Variants in KAT14 observed in about 807,000 individuals in gnomAD.
The protein encoded by KAT14 is cysteine-rich protein 2-binding protein.
Under a neutral mutation model 78.4 loss-of-function variants are expected in KAT14, and 66 were observed. The ratio of observed to expected loss-of-function variants is 0.84; its 90% CI spans 0.69 to 1.03. The LOEUF (loss-of-function observed/expected upper bound fraction) is 1.03, where lower values mean the gene tolerates loss of function less well. Among genes scored for constraint, KAT14 ranks in the 50% least tolerant of loss-of-function variants. The probability of loss-of-function intolerance (pLI) is 0.00; values close to 1 mark genes in which losing one functional copy is unlikely to be tolerated. For missense variants in KAT14, 870 were observed against 972.5 expected (o/e 0.89, Z 1.40); for synonymous variants, 344 against 359.4 (o/e 0.96, Z 0.48).
chr20:18,184,752 G>C lies in KAT14; in HGVS notation c.2132G>C (p.Arg711Thr). The change falls in exon 10 of 11, where the codon AGA becomes ACA. Residue 711 changes from arginine (R) to threonine (T), a missense_variant. By Grantham distance (71) the Arg-to-Thr change is moderately conservative (BLOSUM62 -1). Coordinates refer to ENST00000688188, the MANE Select transcript of KAT14 (RefSeq NM_001392073.1). ...CTGTTCGTCCACCCTGAATGGAGAA[G>C]AGCAGGGATTGCAACTTTCATGATC... ...SFLFVHPEWR[R>T]AGIATFMIYH... The C allele has an allele frequency of 6.2e-7, 1 of 1,611,092 alleles. No individual in the cohort carries two copies. Among genetic ancestry groups the C allele is most frequent in the Non-Finnish European group, 8.5e-7 (1 of 1,179,244 alleles).
intron 4 of KAT14, among the ~76,000 whole-genome samples, chr20:18,156,121 G>A (rs2038216656): frequency 6.6e-6 from 1 of 152,040 alleles, no homozygotes; most frequent in Non-Finnish European, 1.5e-5. Flanking sequence ...TATGCTGTGT[G>A]AAACAAACCA....
chr20:18,140,519 C>A (rs2037492671), intron 1 of KAT14, among the ~76,000 whole-genome samples: 1 of 152,024 alleles, frequency 6.6e-6, no homozygotes, highest in South Asian at 2.1e-4. Context: ...CTATTAAAAA[C>A]CATTTATTGG....
Position 18,184,688 on chromosome 20 carries a change from G to C in KAT14, c.2068G>C (p.Val690Leu), listed in dbSNP as rs752618402. The part of the protein sequence containing the change: ...KKVIIAFGFM[V>L]PDVKYNEAYI... Reference sequence around the variant, plus strand: ...AGTCATCATTGCCTTTGGCTTCATGGTTCCTGATGTGAAATACAATGAAGC... The same window carrying C: ...AGTCATCATTGCCTTTGGCTTCATGCTTCCTGATGTGAAATACAATGAAGC... Residue 690 changes from valine to leucine, a missense_variant, in exon 10 of 11, where the codon GTT becomes CTT. Val to Leu is a conservative substitution (Grantham distance 32, BLOSUM62 1). Transcript: ENST00000688188. The C allele has an allele frequency of 6.2e-7, 1 of 1,613,788 alleles. No individual in the cohort carries two copies. The highest frequency in any genetic ancestry group is 1.1e-5 in the South Asian group (1 of 91,030).
intron 5 of KAT14, among the ~76,000 whole-genome samples, chr20:18,160,465 G>A (rs1459648302): frequency 6.6e-6 from 1 of 152,084 alleles, no homozygotes; most frequent in South Asian, 2.1e-4. Flanking sequence ...ATCTTTCCAT[G>A]ACAGTACATG....
intron 4 of KAT14, among the ~76,000 whole-genome samples, chr20:18,153,599 C>T (rs1375464441): frequency 1.3e-5 from 2 of 152,246 alleles, no homozygotes; most frequent in Admixed American, 1.3e-4. Flanking sequence ...TGTTTAAATG[C>T]TTCATTTGTT....
At position 18,159,252 on chromosome 20, in the gene KAT14, T is replaced by G; in HGVS notation, c.669T>G (p.Thr223=). The G allele has an allele frequency of 6.2e-7, 1 of 1,613,794 alleles. No homozygotes were observed. The highest frequency in any genetic ancestry group is 8.5e-7 in the Non-Finnish European group (1 of 1,179,930). The change falls in exon 5 of 11, where the codon ACT becomes ACG. Residue 223 remains threonine, a synonymous_variant. Coordinates refer to ENST00000688188, the MANE Select transcript of KAT14 (RefSeq NM_001392073.1). ...KPEGEKLSAS[T]LKIKASKPTL... Reference sequence around the variant, plus strand: ...AAGGAGAGAAGTTGTCTGCCTCTACTTTGAAAATAAAAGGTACTGTTGTGA... The same window carrying G: ...AAGGAGAGAAGTTGTCTGCCTCTACGTTGAAAATAAAAGGTACTGTTGTGA...
In KAT14 at chr20:18,154,946, C is replaced by T. The variant is rs570621499; in HGVS notation, c.500+4004C>T. 1.2e-4 allele frequency among the ~76,000 whole-genome samples: 18 copies of T among 152,274 alleles called. No homozygotes were observed. The South Asian group carries it at 3.7e-3, about 32-fold the overall frequency. On this transcript the variant is annotated intron_variant, in intron 4 of 10. Coordinates refer to ENST00000688188, the MANE Select transcript of KAT14 (RefSeq NM_001392073.1). Reference sequence around the variant, plus strand: ...TAAAAGCAGATTAAATGAACAAATACTAGGCAATTATTCAGTAATAACTAA... The same window carrying T: ...TAAAAGCAGATTAAATGAACAAATATTAGGCAATTATTCAGTAATAACTAA...
At chr20:18,176,114 C>A (rs1392969926) in intron 7 of KAT14, among the ~76,000 whole-genome samples, 1 of 151,728 alleles carries the variant, frequency 6.6e-6, no homozygotes, top group Non-Finnish European at 1.5e-5. Flanking sequence ...CCAGCCTGGC[C>A]AACATAATGA....
chr20:18,154,381 C>T (rs1050695391), intron 4 of KAT14, among the ~76,000 whole-genome samples: 3 of 152,136 alleles, frequency 2.0e-5, no homozygotes, highest in African/African-American at 4.8e-5. Flanking sequence ...GGCGTGATCT[C>T]GGCTCACTGC....
At chr20:18,174,960 C>T (rs183555207) in intron 7 of KAT14, among the ~76,000 whole-genome samples, 58 of 152,144 alleles carry the variant, frequency 3.8e-4, no homozygotes, top group African/African-American at 9.9e-4. Flanking sequence ...CCACCGCGCC[C>T]GGCGATTTTC....
chr20:18,181,875 A>C lies in KAT14; in HGVS notation c.1805+29A>C, dbSNP rs760165938. 5 of 1,612,154 alleles carry C rather than the reference A, an allele frequency of 3.1e-6. No homozygotes were observed. The African/African-American group carries it at 5.3e-5, about 17-fold the overall frequency. On this transcript the variant is annotated intron_variant, in intron 8 of 10. Transcript: ENST00000688188. ...TATGGAGAACTAGAGGTGTGATGTC[A>C]GGTGTGTCATGAGGGATAATGATTG...
chr20:18,187,058 A>G (rs2039472001), intron 10 of KAT14, among the ~76,000 whole-genome samples: 1 of 152,230 alleles, frequency 6.6e-6, no homozygotes, highest in South Asian at 2.1e-4. Context: ...AAGAAAAATA[A>G]AAAACACCCA....
chr20:18,137,941 G>C lies in KAT14; in HGVS notation c.-564G>C, dbSNP rs1368993413. ...GGGCGGGCGGGAGAGAGAGGCCGCG[G>C]CCGCCAGCGTGGGGATGTCTAGGAG... is the stretch of plus-strand genomic sequence containing the variant. On this transcript the variant is annotated 5_prime_UTR_variant, in exon 1 of 11. Coordinates refer to ENST00000688188, the MANE Select transcript of KAT14 (RefSeq NM_001392073.1). The C allele has an allele frequency of 6.8e-7, 1 of 1,479,696 alleles. No individual in the cohort carries two copies. Among genetic ancestry groups the C allele is most frequent in the African/African-American group, 1.5e-5 (1 of 68,214 alleles). 91.7% of individuals were successfully genotyped at this position (1,479,696 alleles called of 1,614,324 possible).
intron 10 of KAT14, among the ~76,000 whole-genome samples, chr20:18,185,498 G>A (rs1379054482): frequency 2.6e-5 from 4 of 152,298 alleles, no homozygotes; most frequent in African/African-American, 9.6e-5. Context: ...ACTGTGCCTA[G>A]CTACATATTT....
Position 18,142,818 on chromosome 20 carries a change from A to G in KAT14, c.158A>G (p.Asp53Gly). Residue 53 changes from aspartate to glycine, a missense_variant, in exon 2 of 11, where the codon GAC becomes GGC. By Grantham distance (94) the Asp-to-Gly change is moderately conservative. Coordinates refer to ENST00000688188, the MANE Select transcript of KAT14 (RefSeq NM_001392073.1). ...CAGGCATCAGTGGACTTATCGCACG[A>G]CCAGAGTGGGGATTCCCTCAACAGT... is the stretch of plus-strand genomic sequence containing the variant. ...EDQASVDLSH[D>G]QSGDSLNSDE... is the part of the protein sequence containing the mutation. 4 of 1,614,186 alleles carry G rather than the reference A, an allele frequency of 2.5e-6. No homozygotes were observed. Among genetic ancestry groups the G allele is most frequent in the Non-Finnish European group, 3.4e-6 (4 of 1,180,032 alleles).
chr20:18,138,766 C>CT (rs1459141271), intron 1 of KAT14, among the ~76,000 whole-genome samples: 1 of 152,108 alleles, frequency 6.6e-6, no homozygotes, highest in Admixed American at 6.6e-5. Context: ...ATTCTGTCCT[C>CT]TCAGTTCATA....
upstream of KAT14, among the ~76,000 whole-genome samples, chr20:18,137,231 G>C (rs2037336150): frequency 6.6e-6 from 1 of 152,066 alleles, no homozygotes; most frequent in Non-Finnish European, 1.5e-5. Context: ...TAAGGTTGCA[G>C]TGAGCCGAGA....
At chr20:18,152,019 A>AG (rs1417533803) in intron 4 of KAT14, among the ~76,000 whole-genome samples, 1 of 151,096 alleles carries the variant, frequency 6.6e-6, no homozygotes, top group Non-Finnish European at 1.5e-5. Context: ...AAAAAAAAAA[A>AG]GATGTTTGTT....
At chr20:18,184,347 TC>T (rs1391905164) in intron 9 of KAT14, among the ~76,000 whole-genome samples, 1 of 152,188 alleles carries the variant, frequency 6.6e-6, no homozygotes, top group African/African-American at 2.4e-5. Context: ...TGTGTCCAAT[TC>T]TGAACCCGTG....
Sources: gnomAD v4.1 joint callset for allele counts (sites outside exome capture counted in the v4.1 genomes callset) on GRCh38, gnomAD v4.1.1 for gene constraint, MANE v1.5 for transcripts, NCBI Gene and HGNC (gene_info 2026-07-23, HGNC 2026-07-21) for gene names.